Variants in LINGO2 observed in about 807,000 individuals in gnomAD.
LINGO2 encodes the protein leucine rich repeat and Ig domain containing 2, also known as leucine-rich repeat and immunoglobulin-like domain-containing nogo receptor-interacting protein 2.
LINGO2 carries 14 observed loss-of-function variants against 30.6 expected under a neutral mutation model. That is an observed-to-expected ratio of 0.46 (90% CI 0.30 to 0.72). The LOEUF (loss-of-function observed/expected upper bound fraction) is 0.72. Ranked by LOEUF, LINGO2 falls within the 30% of genes least tolerant of loss-of-function variation. The pLI, the probability that LINGO2 is intolerant of heterozygous loss-of-function variation, is 0.07. For missense variants in LINGO2, 729 were observed against 751.7 expected (o/e 0.97, Z 0.35); for synonymous variants, 317 against 288.5 (o/e 1.10, Z -1.00).
chr9:28,592,474 A>G (rs545593773), intron 1 of LINGO2, among the ~76,000 whole-genome samples: 1 of 152,132 alleles, frequency 6.6e-6, no homozygotes, highest in East Asian at 1.9e-4. Flanking sequence ...TTCTGTACTG[A>G]GTTTGCTTTC....
At chr9:29,089,133 T>A in the LINGO2 span, among the ~76,000 whole-genome samples, 1 of 151,950 alleles carries the variant, frequency 6.6e-6, no homozygotes, top group Non-Finnish European at 1.5e-5. Context: ...AATAAGTACA[T>A]TTTTACTGTA....
At chr9:28,840,233 G>A in the LINGO2 span, among the ~76,000 whole-genome samples, 1 of 151,786 alleles carries the variant, frequency 6.6e-6, no homozygotes, top group African/African-American at 2.4e-5. Context: ...CTTCAAGTTG[G>A]AAGTGGGTAG....
chr9:27,970,529 AG>A (rs1820304231), intron 5 of LINGO2, among the ~76,000 whole-genome samples: 1 of 152,196 alleles, frequency 6.6e-6, no homozygotes, highest in Non-Finnish European at 1.5e-5. Flanking sequence ...GTTTACAGCT[AG>A]AAGACTGTTA....
intron 4 of LINGO2, among the ~76,000 whole-genome samples, chr9:28,281,173 A>AC (rs926367736): frequency 4.2e-4 from 64 of 152,038 alleles, no homozygotes; most frequent in African/African-American, 1.4e-3. Flanking sequence ...AAATGTGTAG[A>AC]CCCCTAAAGC....
At chr9:29,055,658 C>T in the LINGO2 span, among the ~76,000 whole-genome samples, 2 of 151,838 alleles carry the variant, frequency 1.3e-5, no homozygotes, top group Non-Finnish European at 2.9e-5. Context: ...TTTGGTGCAC[C>T]CACCACCCAA....
intron 4 of LINGO2, among the ~76,000 whole-genome samples, chr9:28,217,497 AC>A (rs1820809693): frequency 6.6e-6 from 1 of 152,086 alleles, no homozygotes; most frequent in African/African-American, 2.4e-5. Context: ...CTTATGCATG[AC>A]TGTTTTCACA....
chr9:28,816,177 A>C, the LINGO2 span, among the ~76,000 whole-genome samples: 1 of 152,168 alleles, frequency 6.6e-6, no homozygotes, highest in African/African-American at 2.4e-5. Context: ...CTCATGATCT[A>C]ATCACCTTTT....
At chr9:28,432,990 G>T (rs1192455771) in intron 2 of LINGO2, among the ~76,000 whole-genome samples, 1 of 151,878 alleles carries the variant, frequency 6.6e-6, no homozygotes, top group Non-Finnish European at 1.5e-5. Context: ...AAGACAACAA[G>T]AATATGCATT....
chr9:28,456,784 A>C (rs118082591), intron 2 of LINGO2, among the ~76,000 whole-genome samples: 4,461 of 152,308 alleles, frequency 0.029, 96 homozygotes, highest in Non-Finnish European at 0.046. Context: ...ATAAGAAATG[A>C]ATTGGAACAA....
chr9:28,937,289 G>C, the LINGO2 span, among the ~76,000 whole-genome samples: 2 of 152,112 alleles, frequency 1.3e-5, no homozygotes, highest in Non-Finnish European at 2.9e-5. Flanking sequence ...GGTAAGACTT[G>C]AGAGGCAGCA....
chr9:28,559,197 C>A (rs1439260397), intron 1 of LINGO2, among the ~76,000 whole-genome samples: 1 of 152,114 alleles, frequency 6.6e-6, no homozygotes. Flanking sequence ...TTTGATCTTG[C>A]AGATTACTAA....
intron 1 of LINGO2, among the ~76,000 whole-genome samples, chr9:28,541,408 T>C (rs1821691219): frequency 6.6e-6 from 1 of 152,202 alleles, no homozygotes; most frequent in South Asian, 2.1e-4. Context: ...GGATGACTGA[T>C]GTAATTAGGA....
intron 1 of LINGO2, among the ~76,000 whole-genome samples, chr9:28,629,467 T>C (rs1563875931): frequency 6.6e-6 from 1 of 152,092 alleles, no homozygotes; most frequent in Non-Finnish European, 1.5e-5. Context: ...CCCTTTCTCT[T>C]AGGAGAAAGG....
chr9:28,603,553 T>C (rs1825578929), intron 1 of LINGO2, among the ~76,000 whole-genome samples: 3 of 152,036 alleles, frequency 2.0e-5, no homozygotes, highest in Admixed American at 6.6e-5. Context: ...TATTAGCATG[T>C]CAATATTTTT....
At chr9:28,732,390 A>T in the LINGO2 span, among the ~76,000 whole-genome samples, 12 of 152,146 alleles carry the variant, frequency 7.9e-5, no homozygotes, top group African/African-American at 2.7e-4. Context: ...CACTCTGAAA[A>T]GTAACCACAA....
chr9:28,420,343 C>G (rs1823143262), intron 2 of LINGO2, among the ~76,000 whole-genome samples: 1 of 152,102 alleles, frequency 6.6e-6, no homozygotes, highest in East Asian at 1.9e-4. Flanking sequence ...ATTAGCAATG[C>G]CATTTATAGT....
At chr9:28,885,258 G>A in the LINGO2 span, among the ~76,000 whole-genome samples, 2 of 147,750 alleles carry the variant, frequency 1.4e-5, no homozygotes, top group East Asian at 2.0e-4. Context: ...GTTGCCCCAT[G>A]GGTGCAGTGT....
At chr9:28,427,794 C>G (rs1823474304) in intron 2 of LINGO2, among the ~76,000 whole-genome samples, 1 of 152,074 alleles carries the variant, frequency 6.6e-6, no homozygotes, top group Non-Finnish European at 1.5e-5. Context: ...AAACATCACT[C>G]CTTTGTTAGA....
chr9:28,626,937 T>C (rs967873566), intron 1 of LINGO2, among the ~76,000 whole-genome samples: 3 of 152,064 alleles, frequency 2.0e-5, no homozygotes, highest in African/African-American at 7.2e-5. Context: ...GCTAATCTAA[T>C]AATATCTGTC....
Sources: allele counts gnomAD v4.1 joint callset (sites outside exome capture counted in the v4.1 genomes callset), GRCh38; gene constraint gnomAD v4.1.1; transcripts MANE v1.5; gene names NCBI Gene and HGNC (gene_info 2026-07-23, HGNC 2026-07-21).